Variants in CEP112 observed in about 807,000 individuals in gnomAD.
CEP112 encodes the protein centrosomal protein of 112 kDa.
A neutral mutation model predicts 153.0 loss-of-function variants in CEP112; 127 were observed. The observed-to-expected ratio is 0.83, with a 90% CI of 0.72 to 0.96. The LOEUF (loss-of-function observed/expected upper bound fraction) is 0.96, where lower values mean the gene tolerates loss of function less well. Ranked by LOEUF, CEP112 falls within the 40% of genes least tolerant of loss-of-function variation. CEP112 has a pLI of 0.00. For missense variants in CEP112, 1,089 were observed against 1,101.2 expected (o/e 0.99, Z 0.16); for synonymous variants, 358 against 374.4 (o/e 0.96, Z 0.51).
intron 24 of CEP112, among the ~76,000 whole-genome samples, chr17:65,669,774 G>A (rs2046883865): frequency 1.3e-5 from 2 of 152,092 alleles, no homozygotes; most frequent in African/African-American, 4.8e-5. Context: ...ATGGTGGAGG[G>A]CACCTGTAGT....
intron 12 of CEP112, among the ~76,000 whole-genome samples, chr17:66,040,104 G>A (rs1176120140): frequency 6.6e-6 from 1 of 152,194 alleles, no homozygotes; most frequent in Non-Finnish European, 1.5e-5. Context: ...ATGTGCCTAT[G>A]TCAAGCCTCA....
At chr17:65,668,568 C>CTGTA (rs2046814934) in intron 24 of CEP112, among the ~76,000 whole-genome samples, 1 of 152,160 alleles carries the variant, frequency 6.6e-6, no homozygotes, top group Admixed American at 6.5e-5. Context: ...AACCACCTGC[C>CTGTA]TGTATGTGGC....
At chr17:66,186,046 C>T (rs1031649231) in intron 1 of CEP112, among the ~76,000 whole-genome samples, 2 of 151,884 alleles carry the variant, frequency 1.3e-5, no homozygotes, top group Non-Finnish European at 2.9e-5. Flanking sequence ...CTCTCTCTCT[C>T]CCCACCCGCT....
intron 20 of CEP112, among the ~76,000 whole-genome samples, chr17:65,868,685 G>A (rs925130780): frequency 2.6e-5 from 4 of 152,108 alleles, no homozygotes; most frequent in Non-Finnish European, 5.9e-5. Context: ...GGTTCAACCT[G>A]TCAATTTATT....
intron 20 of CEP112, among the ~76,000 whole-genome samples, chr17:65,896,844 C>T (rs1305311005): frequency 2.0e-5 from 3 of 152,044 alleles, no homozygotes; most frequent in African/African-American, 7.2e-5. Flanking sequence ...GATAAAACTT[C>T]ATCTAAAGAA....
chr17:66,088,856 A>C (rs941439335), intron 8 of CEP112, among the ~76,000 whole-genome samples: 2 of 152,074 alleles, frequency 1.3e-5, no homozygotes, highest in African/African-American at 4.8e-5. Context: ...GGCCTGTCCC[A>C]GTGGACCAAA....
At chr17:65,696,621 T>C (rs1442587779) in intron 23 of CEP112, among the ~76,000 whole-genome samples, 1 of 152,160 alleles carries the variant, frequency 6.6e-6, no homozygotes, top group Admixed American at 6.5e-5. Context: ...CTGCAAGCTC[T>C]GCAAAACTGA....
intron 6 of CEP112, among the ~76,000 whole-genome samples, chr17:66,117,339 TG>T (rs1355298310): frequency 6.6e-6 from 1 of 152,168 alleles, no homozygotes; most frequent in Non-Finnish European, 1.5e-5. Flanking sequence ...TAGCTATAAA[TG>T]GAATATATCC....
At chr17:66,069,715 T>C (rs1432166964) in intron 9 of CEP112, among the ~76,000 whole-genome samples, 200 bp downstream of exon 9, 1 of 152,098 alleles carries the variant, frequency 6.6e-6, no homozygotes, top group African/African-American at 2.4e-5. Flanking sequence ...AATAAACACA[T>C]ATGTTTAGCT....
At chr17:65,921,675 T>C (rs369539971) in intron 19 of CEP112, among the ~76,000 whole-genome samples, 3 of 152,142 alleles carry the variant, frequency 2.0e-5, no homozygotes, top group African/African-American at 7.2e-5. Context: ...ATATACTACA[T>C]TTGTATCATC....
intron 17 of CEP112, among the ~76,000 whole-genome samples, chr17:65,972,505 T>G (rs1297321966): frequency 6.6e-6 from 1 of 151,936 alleles, no homozygotes; most frequent in Non-Finnish European, 1.5e-5. Flanking sequence ...ACAAAATAAG[T>G]AGAAGAAAGG....
intron 23 of CEP112, among the ~76,000 whole-genome samples, chr17:65,711,287 G>A (rs576501990): frequency 6.6e-6 from 1 of 152,310 alleles, no homozygotes; most frequent in East Asian, 1.9e-4. Flanking sequence ...CTGGCTGCCT[G>A]AGTTGGAATC....
chr17:65,845,713 T>A (rs947778714), intron 21 of CEP112, among the ~76,000 whole-genome samples: 2 of 152,234 alleles, frequency 1.3e-5, no homozygotes, highest in Non-Finnish European at 2.9e-5. Flanking sequence ...CACTTAGTAA[T>A]GTTCTTTAAT....
intron 21 of CEP112, among the ~76,000 whole-genome samples, chr17:65,806,876 T>C (rs188698038): frequency 1.3e-5 from 2 of 152,160 alleles, no homozygotes; most frequent in Admixed American, 1.3e-4. Flanking sequence ...ATACAGAAAA[T>C]TGATACTAGG....
intron 6 of CEP112, among the ~76,000 whole-genome samples, chr17:66,100,668 C>A (rs1006331133): frequency 2.6e-5 from 4 of 151,374 alleles, no homozygotes; most frequent in Non-Finnish European, 4.4e-5. Context: ...TAAAATAATA[C>A]CTGAATCATA....
chr17:66,176,566 T>C, intron 3 of CEP112: 1 of 273,638 alleles, frequency 3.7e-6, no homozygotes, highest in South Asian at 1.6e-4. Context: ...AAAGTAAAGC[T>C]CAATATAAAA....
chr17:66,161,764 T>C (rs1390795900), intron 4 of CEP112, among the ~76,000 whole-genome samples: 2 of 152,032 alleles, frequency 1.3e-5, no homozygotes, highest in Admixed American at 1.3e-4. Context: ...CAAACCACCG[T>C]GGCATGTGTA....
Position 65,835,951 on chromosome 17 carries a change from C to T in CEP112, c.2394+15853G>A, listed in dbSNP as rs187467650. ...CAATATAAGAAGATTCAAATTGAAG[C>T]ATCAAAGAGTCAAAAATGTGGTGAA... On this transcript the variant is annotated intron_variant, in intron 21 of 26. Transcript: ENST00000535342. Among the ~76,000 whole-genome samples the T allele has an allele frequency of 1.1e-3, 162 of 152,188 alleles. No homozygotes were observed. The Middle Eastern group carries it at 0.024, about 22-fold the overall frequency.
At chr17:66,173,881 T>G (rs2072349432) in intron 4 of CEP112, among the ~76,000 whole-genome samples, 1 of 152,164 alleles carries the variant, frequency 6.6e-6, no homozygotes, top group Non-Finnish European at 1.5e-5. Context: ...TGTTTCTCCT[T>G]TCTACTGAAA....
Sources: gnomAD v4.1 joint callset for allele counts (sites outside exome capture counted in the v4.1 genomes callset) on GRCh38, gnomAD v4.1.1 for gene constraint, MANE v1.5 for transcripts, NCBI Gene and HGNC (gene_info 2026-07-23, HGNC 2026-07-21) for gene names.